Variants in ERBB4 observed in about 807,000 individuals in gnomAD.
ERBB4 encodes the protein receptor tyrosine-protein kinase erbB-4.
ERBB4 carries 42 observed loss-of-function variants against 158.0 expected under a neutral mutation model. The ratio of observed to expected loss-of-function variants is 0.27; its 90% CI spans 0.21 to 0.34. The LOEUF (loss-of-function observed/expected upper bound fraction) is 0.34, where lower values mean the gene tolerates loss of function less well. Among genes scored for constraint, ERBB4 ranks in the 10% least tolerant of loss-of-function variants. The pLI is 1.00. For synonymous variants in ERBB4, 583 were observed against 558.7 expected (o/e 1.04, Z -0.61); for missense variants, 1,333 against 1,624.1 (o/e 0.82, Z 3.08).
intron 1 of ERBB4, among the ~76,000 whole-genome samples, chr2:212,490,971 G>A (rs1293383047): frequency 6.6e-6 from 1 of 151,650 alleles, no homozygotes; most frequent in Non-Finnish European, 1.5e-5. Context: ...ATTCTTTTGA[G>A]TCAGTCTAAA....
At chr2:211,605,839 T>G (rs1026381760) in intron 19 of ERBB4, among the ~76,000 whole-genome samples, 2 of 152,148 alleles carry the variant, frequency 1.3e-5, no homozygotes, top group Admixed American at 6.5e-5. Context: ...TTAATTTGCC[T>G]TTCAAAACCA....
chr2:212,280,670 T>C (rs1167898302), intron 1 of ERBB4, among the ~76,000 whole-genome samples: 1 of 151,688 alleles, frequency 6.6e-6, no homozygotes, highest in Non-Finnish European at 1.5e-5. Context: ...TACAGTTAGA[T>C]AACTTTATTC....
At chr2:211,472,482 TATATTA>T (rs1050436270) in intron 20 of ERBB4, among the ~76,000 whole-genome samples, 21 of 151,708 alleles carry the variant, frequency 1.4e-4, no homozygotes, top group Middle Eastern at 6.9e-3. Context: ...AAAACGCTAT[TATATTA>T]ATATTTCTCA....
At chr2:211,701,007 A>T (rs77459197) in intron 12 of ERBB4, among the ~76,000 whole-genome samples, 2,972 of 152,306 alleles carry the variant, frequency 0.02, 90 homozygotes, top group African/African-American at 0.065. Context: ...ACAGGGAAGA[A>T]TTAAGCATAA....
At chr2:211,398,507 T>G (rs552051664) in intron 25 of ERBB4, among the ~76,000 whole-genome samples, 199 of 152,228 alleles carry the variant, frequency 1.3e-3, no homozygotes, top group African/African-American at 4.3e-3. Context: ...ATTCTTTCCC[T>G]TCACTCCAAT....
At chr2:212,457,639 C>T (rs1397541254) in intron 1 of ERBB4, among the ~76,000 whole-genome samples, 2 of 152,066 alleles carry the variant, frequency 1.3e-5, no homozygotes, top group African/African-American at 4.8e-5. Context: ...TTAATACTCA[C>T]ATTAAAATTT....
intron 2 of ERBB4, among the ~76,000 whole-genome samples, chr2:211,975,072 G>T (rs1479357414): frequency 6.6e-6 from 1 of 151,944 alleles, no homozygotes; most frequent in Admixed American, 6.6e-5. Flanking sequence ...CAGCCTCAAA[G>T]TCCTGGCTCA....
chr2:212,020,315 T>C (rs999342968), intron 2 of ERBB4, among the ~76,000 whole-genome samples: 1 of 152,114 alleles, frequency 6.6e-6, no homozygotes, highest in Admixed American at 6.6e-5. Flanking sequence ...TTAGAACTTA[T>C]CATATATAGA....
chr2:212,196,932 G>A (rs1257973382), intron 1 of ERBB4, among the ~76,000 whole-genome samples: 3 of 152,042 alleles, frequency 2.0e-5, no homozygotes, highest in South Asian at 2.1e-4. Flanking sequence ...CATATGTCAC[G>A]CCTCACCCGT....
chr2:212,396,430 C>T (rs2106450444), intron 1 of ERBB4, among the ~76,000 whole-genome samples: 1 of 152,208 alleles, frequency 6.6e-6, no homozygotes. Flanking sequence ...CTGGCCAGAG[C>T]AAGATACCAA....
intron 20 of ERBB4, among the ~76,000 whole-genome samples, chr2:211,465,458 A>C (rs901829283): frequency 3.3e-5 from 5 of 152,298 alleles, no homozygotes; most frequent in Non-Finnish European, 7.4e-5. Context: ...GCTTTAAAAA[A>C]ATACTTTAAC....
chr2:212,358,431 G>A (rs181941627), intron 1 of ERBB4, among the ~76,000 whole-genome samples: 1 of 151,596 alleles, frequency 6.6e-6, no homozygotes, highest in East Asian at 1.9e-4. Context: ...TTGTACAGTA[G>A]ACAAATAATT....
At chr2:212,012,244 T>C (rs890890611) in intron 2 of ERBB4, among the ~76,000 whole-genome samples, 2 of 152,158 alleles carry the variant, frequency 1.3e-5, no homozygotes, top group African/African-American at 4.8e-5. Flanking sequence ...TTTAGGCTCA[T>C]CCTGTACATT....
chr2:211,512,711 C>A (rs1171510872), intron 20 of ERBB4, among the ~76,000 whole-genome samples: 2 of 152,010 alleles, frequency 1.3e-5, no homozygotes, highest in Non-Finnish European at 1.5e-5. Flanking sequence ...ACTCAAAGTA[C>A]AATTCTTTAA....
intron 7 of ERBB4, among the ~76,000 whole-genome samples, chr2:211,715,091 G>A (rs1357550084): frequency 2.6e-5 from 4 of 152,204 alleles, no homozygotes; most frequent in Non-Finnish European, 5.9e-5. Context: ...TCTTACCAAC[G>A]GGTATAATTC....
intron 19 of ERBB4, among the ~76,000 whole-genome samples, chr2:211,580,025 C>T (rs536126929): frequency 1.3e-5 from 2 of 152,096 alleles, no homozygotes; most frequent in South Asian, 4.1e-4. Context: ...AACTGGGGGA[C>T]TAAACCAGAA....
intron 3 of ERBB4, among the ~76,000 whole-genome samples, chr2:211,816,203 AT>A (rs920317215): frequency 6.6e-6 from 1 of 152,174 alleles, no homozygotes; most frequent in Non-Finnish European, 1.5e-5. Context: ...TGCTGATTAA[AT>A]GTAAAAGTAT....
At chr2:212,061,011 A>G (rs573456136) in intron 2 of ERBB4, among the ~76,000 whole-genome samples, 35 of 151,806 alleles carry the variant, frequency 2.3e-4, no homozygotes, top group South Asian at 1.2e-3. Context: ...AGTAAATAAA[A>G]AATATTTTGG....
chr2:212,081,564 T>C (rs555978031), intron 2 of ERBB4, among the ~76,000 whole-genome samples: 1 of 152,240 alleles, frequency 6.6e-6, no homozygotes, highest in South Asian at 2.1e-4. Flanking sequence ...AATGAGAGCT[T>C]TTCCTGTGCT....
Sources: gnomAD v4.1 joint callset for allele counts (sites outside exome capture counted in the v4.1 genomes callset) on GRCh38, gnomAD v4.1.1 for gene constraint, MANE v1.5 for transcripts, NCBI Gene and HGNC (gene_info 2026-07-23, HGNC 2026-07-21) for gene names.